BANP: variants seen among roughly 807,000 people sequenced by gnomAD.
BANP encodes protein BANP.
In BANP, 11 loss-of-function variants were observed where a neutral mutation model predicts 68.1. That is an observed-to-expected ratio of 0.16 (90% CI 0.10 to 0.27). The LOEUF is 0.27. BANP is among the 10% of genes least tolerant of loss of function. The pLI is 1.00. For missense variants in BANP, 504 were observed against 722.7 expected, an observed-to-expected ratio of 0.70 and a Z score of 3.47; for synonymous variants, 329 against 303.2, an observed-to-expected ratio of 1.09 and a Z score of -0.88.
intron 1 of BANP, among the ~76,000 whole-genome samples, chr16:87,960,524 A>G (rs562777529): frequency 6.6e-6 from 1 of 152,222 alleles, no homozygotes; most frequent in South Asian, 2.1e-4. Flanking sequence ...ATGTATACAT[A>G]TGTGGCAGAG....
intron 11 of BANP, among the ~76,000 whole-genome samples, chr16:88,040,117 G>A (rs983830735): frequency 1.1e-4 from 16 of 152,150 alleles, no homozygotes; most frequent in African/African-American, 3.9e-4. Context: ...GGTAGCGGGC[G>A]GAATCTTGGT....
intron 9 of BANP, among the ~76,000 whole-genome samples, chr16:88,034,396 A>G (rs2078856233): frequency 6.6e-6 from 1 of 152,236 alleles, no homozygotes. Context: ...TTCAAATAAG[A>G]TAAGGAGTAT....
chr16:87,990,539 A>G (rs559979985), intron 4 of BANP, among the ~76,000 whole-genome samples: 4 of 152,342 alleles, frequency 2.6e-5, no homozygotes, highest in African/African-American at 9.6e-5. Context: ...GGTCATTGAT[A>G]TTCTCAGTCA....
intron 1 of BANP, chr16:87,963,481 G>T (rs2059543806): frequency 6.6e-6 from 1 of 152,256 alleles, no homozygotes; most frequent in South Asian, 2.1e-4. Context: ...CTGATCACGG[G>T]TAGGTGCTGT....
intron 6 of BANP, among the ~76,000 whole-genome samples, chr16:88,010,430 G>A (rs1305790216): frequency 2.0e-5 from 3 of 152,204 alleles, no homozygotes; most frequent in South Asian, 2.1e-4. Flanking sequence ...AATGACTTAC[G>A]TGGTAGCTCT....
At chr16:87,992,941 A>C (rs1027008246) in intron 4 of BANP, among the ~76,000 whole-genome samples, 14 of 152,210 alleles carry the variant, frequency 9.2e-5, no homozygotes, top group African/African-American at 3.1e-4. Context: ...CTGTGGGTCC[A>C]CAGGATGCTC....
chr16:87,993,457 G>A (rs1481087918), intron 4 of BANP, among the ~76,000 whole-genome samples: 1 of 152,184 alleles, frequency 6.6e-6, no homozygotes, highest in Non-Finnish European at 1.5e-5. Context: ...TACACTCTGG[G>A]TTAGAATCTA....
chr16:87,976,471 A>G (rs145585542), intron 2 of BANP, among the ~76,000 whole-genome samples: 2,443 of 39,372 alleles, frequency 0.062, 36 homozygotes, highest in Non-Finnish European at 0.075. Flanking sequence ...ATTGTTTTAA[A>G]AAGTTTTTTT....
rs1434883964 is a variant in BANP at position 88,018,925 on chromosome 16, A to G, written c.895+258A>G. 6.6e-6 allele frequency among the ~76,000 whole-genome samples: 1 copy of G among 152,134 alleles called. No homozygotes were observed. Among genetic ancestry groups the G allele is most frequent in the Non-Finnish European group, 1.5e-5 (1 of 68,016 alleles). ...ATATATACCTACTGTGTACCCTTAGAAGGTGAAAAACTCCTCGCCTCCTGT... is the reference window on the plus strand; with the variant it reads ...ATATATACCTACTGTGTACCCTTAGGAGGTGAAAAACTCCTCGCCTCCTGT... On this transcript the variant is annotated intron_variant, in intron 7 of 13. Coordinates refer to ENST00000682872, the MANE Select transcript of BANP (RefSeq NM_001386991.1). The surrounding 1 kb of genome is among the most constrained non-coding windows in gnomAD (Gnocchi z 7.7).
At chr16:87,984,791 C>G (rs1408164101) in intron 4 of BANP, among the ~76,000 whole-genome samples, 1 of 152,246 alleles carries the variant, frequency 6.6e-6, no homozygotes, top group Non-Finnish European at 1.5e-5. Context: ...TTGGTGTCCA[C>G]TCATCCGAGG....
chr16:87,963,704 A>C (rs2059583742), intron 1 of BANP, among the ~76,000 whole-genome samples: 1 of 152,212 alleles, frequency 6.6e-6, no homozygotes, highest in Admixed American at 6.5e-5. Context: ...GATGCATGTG[A>C]TGTGGCTTAG....
In BANP at chr16:88,076,896, G is replaced by A; in HGVS notation, c.*235G>A. ...CTGCTGTTGGTGTCGGAGCACGAGG[G>A]GAGGCACGGTGCGGAGAGCGTCGCA... On this transcript the variant is annotated 3_prime_UTR_variant, in exon 14 of 14. Transcript: ENST00000682872. The A allele has an allele frequency of 1.9e-6, 1 of 533,924 alleles. No homozygotes were observed. Among genetic ancestry groups the A allele is most frequent in the Non-Finnish European group, 3.3e-6 (1 of 302,668 alleles). 33.1% of individuals were successfully genotyped at this position (533,924 alleles called of 1,614,324 possible).
intron 11 of BANP, among the ~76,000 whole-genome samples, chr16:88,053,607 A>C (rs2083968433): frequency 2.9e-5 from 4 of 137,020 alleles, no homozygotes; most frequent in African/African-American, 5.9e-5. Context: ...CAACCACCCT[A>C]ACGACTACCA....
chr16:88,018,815 C>G lies in BANP; in HGVS notation c.895+148C>G, dbSNP rs1049073554. 10 of 1,109,474 alleles carry G rather than the reference C, an allele frequency of 9.0e-6. No individual in the cohort carries two copies. Among genetic ancestry groups the G allele is most frequent in the Non-Finnish European group, 1.1e-5 (9 of 793,234 alleles). 68.7% of individuals were successfully genotyped at this position (1,109,474 alleles called of 1,614,324 possible). A position where few individuals can be genotyped will look rare whatever the true frequency, so the allele number is the denominator to read the frequency against. ...TGAAATCTCAGCCCGAGGATCAGTGCTCGAGGGGATGGATGAGCTGTTGAC... is the reference window on the plus strand; with the variant it reads ...TGAAATCTCAGCCCGAGGATCAGTGGTCGAGGGGATGGATGAGCTGTTGAC... On this transcript the variant is annotated intron_variant, in intron 7 of 13. Transcript: ENST00000682872. This position sits in a 1 kb window ranked among gnomAD's most constrained non-coding sequence, Gnocchi z 7.7.
intron 4 of BANP, among the ~76,000 whole-genome samples, chr16:87,985,163 G>A (rs2050090375): frequency 6.6e-6 from 1 of 152,242 alleles, no homozygotes; most frequent in Non-Finnish European, 1.5e-5. Flanking sequence ...GGCCTCGCCA[G>A]GGGGTGTGGG....
At position 88,033,247 on chromosome 16, in the gene BANP, T is replaced by G; in HGVS notation, c.1200+2T>G. On this transcript the variant is annotated splice_donor_variant, in intron 9 of 13. Coordinates refer to ENST00000682872, the MANE Select transcript of BANP (RefSeq NM_001386991.1). LOFTEE classifies it high-confidence loss of function. Reference sequence around the variant, plus strand: ...GGAGAAGACGGACAGGTGCAAGTAGTACGTACCCTCTCCACCTCACACCTT... The same window carrying G: ...GGAGAAGACGGACAGGTGCAAGTAGGACGTACCCTCTCCACCTCACACCTT... 6.3e-7 allele frequency: 1 copy of G among 1,584,016 alleles called. No homozygotes were observed. Among genetic ancestry groups the G allele is most frequent in the Non-Finnish European group, 8.6e-7 (1 of 1,159,582 alleles).
chr16:88,009,549 C>T (rs547169449), intron 6 of BANP, among the ~76,000 whole-genome samples: 278 of 152,248 alleles, frequency 1.8e-3, no homozygotes, highest in Non-Finnish European at 3.0e-3. Flanking sequence ...TAGGTAATTC[C>T]GTTTGTCATT....
chr16:88,003,057 T>A lies in BANP; in HGVS notation c.363-1238T>A, dbSNP rs1309876645. Among the ~76,000 whole-genome samples, 1 of 152,136 alleles carries A rather than the reference T, an allele frequency of 6.6e-6. No homozygotes were observed. ...CAGGTAGCCTCTCCAGTTCTACATC[T>A]CTGAGGAGCATAGGACTGTCACAGC... On this transcript the variant is annotated intron_variant, in intron 4 of 13. Coordinates refer to ENST00000682872, the MANE Select transcript of BANP (RefSeq NM_001386991.1). This position sits in a 1 kb window ranked among gnomAD's most constrained non-coding sequence, Gnocchi z 6.1.
chr16:87,970,450 C>T (rs903918657), intron 1 of BANP, among the ~76,000 whole-genome samples: 1 of 152,056 alleles, frequency 6.6e-6, no homozygotes, highest in Non-Finnish European at 1.5e-5. Flanking sequence ...GATGACTGTT[C>T]TTTTGTTAGA....
Sources: allele counts gnomAD v4.1 joint callset (sites outside exome capture counted in the v4.1 genomes callset), GRCh38; gene constraint gnomAD v4.1.1; non-coding constraint Gnocchi (gnomAD v3.1); transcripts MANE v1.5; gene names NCBI Gene and HGNC (gene_info 2026-07-23, HGNC 2026-07-21).